Variants in UNC13B observed in about 807,000 individuals in gnomAD.
UNC13B encodes the protein unc-13 homolog B.
Under a neutral mutation model 211.0 loss-of-function variants are expected in UNC13B, and 144 were observed. The ratio of observed to expected loss-of-function variants is 0.68; its 90% CI spans 0.60 to 0.78. UNC13B has a LOEUF of 0.78. Among genes scored for constraint, UNC13B ranks in the 30% least tolerant of loss-of-function variants. The probability of loss-of-function intolerance (pLI) is 0.00; values close to 1 mark genes in which losing one functional copy is unlikely to be tolerated. For synonymous variants in UNC13B, 709 were observed against 725.8 expected (o/e 0.98, Z 0.37); for missense variants, 1,777 against 2,002.0 (o/e 0.89, Z 2.14).
At chr9:35,251,263 C>T (rs1040057240) in intron 6 of UNC13B, among the ~76,000 whole-genome samples, 4 of 152,034 alleles carry the variant, frequency 2.6e-5, no homozygotes, top group African/African-American at 9.7e-5. Flanking sequence ...CGCGCCCGGC[C>T]TACTCTTCCA....
Position 35,352,637 on chromosome 9 carries a change from C to A in UNC13B, c.9415-14310C>A, listed in dbSNP as rs956470880. 6.5e-6 allele frequency: 8 copies of A among 1,231,986 alleles called. No individual in the cohort carries two copies. In the African/African-American group the frequency reaches 1.1e-4, roughly 17 times the overall value. 76.3% of individuals were successfully genotyped at this position (1,231,986 alleles called of 1,614,324 possible). ...ACAGAGAGAGCACCAGGCCCCTGAG[C>A]AGCAAGGCCCTTGCTTTCTACTCAA... is the stretch of plus-strand genomic sequence containing the variant. On this transcript the variant is annotated intron_variant, in intron 11 of 39. Transcript: ENST00000635942.
chr9:35,253,575 A>G (rs1338372387), intron 6 of UNC13B, among the ~76,000 whole-genome samples: 1 of 152,242 alleles, frequency 6.6e-6, no homozygotes, highest in African/African-American at 2.4e-5. Flanking sequence ...TTTTAAAAAT[A>G]CAATATAGAG....
chr9:35,299,058 C>A (rs968529723), intron 8 of UNC13B, among the ~76,000 whole-genome samples: 3 of 152,078 alleles, frequency 2.0e-5, no homozygotes, highest in Non-Finnish European at 2.9e-5. Context: ...ATGGTGAAAA[C>A]CCACCTCTAC....
intron 13 of UNC13B, among the ~76,000 whole-genome samples, chr9:35,370,776 T>C (rs906846039): frequency 1.3e-5 from 2 of 152,258 alleles, no homozygotes; most frequent in African/African-American, 4.8e-5. Flanking sequence ...GGGATGAGCA[T>C]GACTGGAGCT....
intron 1 of UNC13B, among the ~76,000 whole-genome samples, chr9:35,217,229 A>G (rs1054211824): frequency 1.3e-5 from 2 of 152,208 alleles, no homozygotes; most frequent in Non-Finnish European, 2.9e-5. Flanking sequence ...AAGGGTACAT[A>G]GGACCTCTCT....
chr9:35,202,153 T>G (rs1268021118), intron 1 of UNC13B, among the ~76,000 whole-genome samples: 1 of 152,162 alleles, frequency 6.6e-6, no homozygotes, highest in Non-Finnish European at 1.5e-5. Context: ...CGGTTTTGAG[T>G]GAGTTTCTTA....
chr9:35,385,509 G>C, intron 22 of UNC13B: 2 of 985,420 alleles, frequency 2.0e-6, no homozygotes. Flanking sequence ...TCACTTTCTA[G>C]GGTGGGGAGT....
At chr9:35,209,691 G>A (rs1438412150) in intron 1 of UNC13B, among the ~76,000 whole-genome samples, 2 of 152,308 alleles carry the variant, frequency 1.3e-5, no homozygotes, top group East Asian at 3.9e-4. Flanking sequence ...GAGGAATCTT[G>A]AGAAAACTTG....
At chr9:35,370,290 G>A (rs533419933) in intron 12 of UNC13B, 28 bp from the exon 13 acceptor site, 30 of 1,607,580 alleles carry the variant, frequency 1.9e-5, no homozygotes, top group Non-Finnish European at 2.5e-5. Flanking sequence ...AAGACTGACG[G>A]TCCTGACATA....
chr9:35,313,038 AG>A lies in UNC13B; in HGVS notation c.9324-860del, dbSNP rs367840188. On this transcript the variant is annotated intron_variant, in intron 10 of 39. Coordinates refer to ENST00000635942, the MANE Select transcript of UNC13B (RefSeq NM_001371189.2). ...TTCTGCCCTAAGGATGCTATGCAAA[AG>A]CCCCAAGGGAACTGATCGTTTTAAG... Among the ~76,000 whole-genome samples the A allele has an allele frequency of 9.3e-4, 142 of 152,270 alleles. 2 individuals are homozygous for A. In the South Asian group the frequency reaches 0.029, roughly 31 times the overall value.
At chr9:35,272,279 A>G (rs189819143) in intron 7 of UNC13B, among the ~76,000 whole-genome samples, 65 of 121,178 alleles carry the variant, frequency 5.4e-4, no homozygotes, top group African/African-American at 2.0e-3. Context: ...TTTTTTTGAG[A>G]TGGAGTCTCA....
At chr9:35,200,082 A>G (rs1587356193) in intron 1 of UNC13B, among the ~76,000 whole-genome samples, 1 of 152,146 alleles carries the variant, frequency 6.6e-6, no homozygotes, top group Non-Finnish European at 1.5e-5. Flanking sequence ...TCCCAGCACC[A>G]TTTATTAAAT....
At position 35,295,934 on chromosome 9, in the gene UNC13B, G is replaced by A; in HGVS notation, c.761+4G>A. 6.3e-7 allele frequency: 1 copy of A among 1,595,244 alleles called. No individual in the cohort carries two copies. The highest frequency in any genetic ancestry group is 8.5e-7 in the Non-Finnish European group (1 of 1,170,076). ...ATCCAGAGCGGCGGGCTATCAGGTG[G>A]GTATTGAGCACAAAGTACTTTCTCT... On this transcript the variant is annotated splice_donor_region_variant and intron_variant, in intron 8 of 39. Transcript: ENST00000635942.
chr9:35,362,585 G>C (rs908745890), intron 11 of UNC13B, among the ~76,000 whole-genome samples: 8 of 152,078 alleles, frequency 5.3e-5, no homozygotes, highest in Admixed American at 3.9e-4. Context: ...CGAGGTGGGC[G>C]GATCACAAGG....
At chr9:35,250,874 T>G (rs981963405) in intron 6 of UNC13B, among the ~76,000 whole-genome samples, 3 of 152,070 alleles carry the variant, frequency 2.0e-5, no homozygotes, top group Non-Finnish European at 4.4e-5. Context: ...TATGAAGTGG[T>G]CTCTCATTTT....
intron 11 of UNC13B, among the ~76,000 whole-genome samples, chr9:35,331,298 C>T (rs1587636295): frequency 6.6e-6 from 1 of 152,146 alleles, no homozygotes. Context: ...ACCCAGGCTG[C>T]AGTGTAGTGG....
chr9:35,219,227 G>A (rs1824438103), intron 1 of UNC13B, among the ~76,000 whole-genome samples: 1 of 152,122 alleles, frequency 6.6e-6, no homozygotes, highest in Non-Finnish European at 1.5e-5. Context: ...AAACCTCATT[G>A]GCAGTGGAGT....
At chr9:35,342,558 C>A (rs1365753006) in intron 11 of UNC13B, among the ~76,000 whole-genome samples, 2 of 152,134 alleles carry the variant, frequency 1.3e-5, no homozygotes, top group Admixed American at 1.3e-4. Context: ...ATCTGACCAT[C>A]CATTCCTCTG....
chr9:35,217,684 C>T (rs917482157), intron 1 of UNC13B, among the ~76,000 whole-genome samples: 7 of 152,064 alleles, frequency 4.6e-5, no homozygotes, highest in South Asian at 2.1e-4. Context: ...CCACTGTGCC[C>T]GGCGCCTACT....
Sources: gnomAD v4.1 joint callset for allele counts (sites outside exome capture counted in the v4.1 genomes callset) on GRCh38, gnomAD v4.1.1 for gene constraint, MANE v1.5 for transcripts, NCBI Gene and HGNC (gene_info 2026-07-23, HGNC 2026-07-21) for gene names.